The following TTN variants were observed in gnomAD, a reference collection of about 807,000 sequenced individuals.
TTN encodes the protein connectin.
A neutral mutation model predicts 3,223.0 loss-of-function variants in TTN; 1,525 were observed. The observed-to-expected ratio is 0.47, with a 90% CI of 0.45 to 0.49. The LOEUF (loss-of-function observed/expected upper bound fraction) is 0.49. Ranked by LOEUF, TTN falls within the 20% of genes least tolerant of loss-of-function variation. The probability of loss-of-function intolerance (pLI) is 0.00; values close to 1 mark genes in which losing one functional copy is unlikely to be tolerated. For synonymous variants in TTN, 14,094 were observed against 15,161.0 expected, an observed-to-expected ratio of 0.93 and a Z score of 5.17; for missense variants, 40,786 against 43,424.0, an observed-to-expected ratio of 0.94 and a Z score of 5.40.
intron 58 of TTN, 48 bp downstream of exon 58, chr2:178,731,642 AAAG>A: frequency 6.4e-7 from 1 of 1,570,696 alleles, no homozygotes; most frequent in East Asian, 2.3e-5. Context: ...GGCTTAAAAA[AAAG>A]AATTGACTCT....
intron 294 of TTN, among the ~76,000 whole-genome samples, chr2:178,596,708 C>T (rs927368531): frequency 6.6e-6 from 1 of 152,036 alleles, no homozygotes; most frequent in Non-Finnish European, 1.5e-5. Flanking sequence ...AATATTTTTC[C>T]TTATGCCATT....
At chr2:178,750,110 T>A (rs756247489) in intron 47 of TTN, 30 of 1,613,044 alleles carry the variant, frequency 1.9e-5, no homozygotes, top group Non-Finnish European at 2.5e-5. Context: ...GGAAAGCAAT[T>A]CTGTGTCTCC....
Position 178,782,823 on chromosome 2 carries a change from C to A in TTN, c.3083G>T (p.Cys1028Phe), listed in dbSNP as rs767205822. Residue 1028 changes from cysteine (C) to phenylalanine (F), a missense_variant, in exon 18 of 363, where the codon TGC becomes TTC. Coordinates refer to ENST00000589042, the MANE Select transcript of TTN (RefSeq NM_001267550.2). ...CCACTAACCCTGCACAGCCAGATAG[C>A]AGGATGTGCTGACGGTTCCAGCCTC... ...VNEAGTVSTS[C>F]YLAVQVSEEF... The A allele has an allele frequency of 6.2e-7, 1 of 1,612,992 alleles. No homozygotes were observed. Among genetic ancestry groups the A allele is most frequent in the Non-Finnish European group, 8.5e-7 (1 of 1,179,864 alleles).
Position 178,800,832 on chromosome 2 carries a change from A to G in TTN, c.296-150T>C, listed in dbSNP as rs1396557061. 4 of 796,466 alleles carry G rather than the reference A, an allele frequency of 5.0e-6. No individual in the cohort carries two copies. In the African/African-American group the frequency reaches 6.9e-5, roughly 14 times the overall value. 49.3% of individuals were successfully genotyped at this position (796,466 alleles called of 1,614,324 possible). ...GTCCTTGAACCCAGCTCACCCAGCA[A>G]TGACAGCAAGAATGGGAGCCAGGAG... is the stretch of plus-strand genomic sequence containing the variant. On this transcript the variant is annotated intron_variant, in intron 3 of 362. Coordinates refer to ENST00000589042, the MANE Select transcript of TTN (RefSeq NM_001267550.2).
At chr2:178,666,124 C>T (rs145097629) in intron 163 of TTN, among the ~76,000 whole-genome samples, 24 of 152,084 alleles carry the variant, frequency 1.6e-4, no homozygotes, top group African/African-American at 5.8e-4. Context: ...AAATCTAGGT[C>T]GGCATTTTTT....
intron 9 of TTN, among the ~76,000 whole-genome samples, chr2:178,792,769 A>G (rs937331713): frequency 6.6e-6 from 1 of 152,146 alleles, no homozygotes; most frequent in Non-Finnish European, 1.5e-5. Flanking sequence ...ATATCTCATC[A>G]CTGAAACACA....
rs1008595479 is a variant in TTN, at chr2:178,739,387, C to T, written c.13846G>A (p.Val4616Ile). Residue 4616 changes from valine (V) to isoleucine (I), a missense_variant, in exon 48 of 363, where the codon GTT (valine) becomes ATT (isoleucine). Val to Ile is a conservative substitution (Grantham distance 29). Coordinates refer to ENST00000589042, the MANE Select transcript of TTN (RefSeq NM_001267550.2). ...TGTACAATATCACCTTCCTCAGAAA[C>T]AGTGTCCACTAAAGGTGTATGTATC... ...PMIHTPLVDT[V>I]SEEGDIVHLT... The T allele has an allele frequency of 6.2e-7, 1 of 1,613,870 alleles. No individual in the cohort carries two copies. Among genetic ancestry groups the T allele is most frequent in the Admixed American group, 1.7e-5 (1 of 59,998 alleles).
At position 178,713,267 on chromosome 2, in the gene TTN, G is replaced by A. The variant is rs759580470; in HGVS notation, c.26867C>T (p.Ser8956Phe). The A allele has an allele frequency of 6.2e-7, 1 of 1,611,414 alleles. No homozygotes were observed. The highest frequency in any genetic ancestry group is 8.5e-7 in the Non-Finnish European group (1 of 1,178,564). The change falls in exon 93 of 363, where the codon TCT (serine) becomes TTT (phenylalanine). Residue 8956 changes from serine (S) to phenylalanine (F), a missense_variant. Physicochemically the swap from Ser to Phe is radical, Grantham distance 155. Coordinates refer to ENST00000589042, the MANE Select transcript of TTN (RefSeq NM_001267550.2). The part of the protein sequence containing the change: ...ECKVYGSPPI[S>F]VSWFHEGNEI... ...ATTTCCTTCATGGAACCAGGAGACA[G>A]AGATTGGAGGTGACCCATAGACTTT...
rs2067783241 is a variant in TTN, at chr2:178,675,181, C to G, written c.34538-68G>C. The G allele has an allele frequency of 2.0e-5, 21 of 1,033,324 alleles. No homozygotes were observed. The South Asian group carries it at 3.3e-4, about 16-fold the overall frequency. The allele number at this position is 1,033,324 out of a possible 1,614,324, so 64.0% of individuals were successfully genotyped here. A position where few individuals can be genotyped will look rare whatever the true frequency, so the allele number is the denominator to read the frequency against. Reference sequence around the variant, plus strand: ...CCAAAGAAGAATAAAGACCACGTTTCCAGTTTCCAACATAAGAGAGTAAAT... The same window carrying G: ...CCAAAGAAGAATAAAGACCACGTTTGCAGTTTCCAACATAAGAGAGTAAAT... On this transcript the variant is annotated intron_variant, in intron 149 of 362. Coordinates refer to ENST00000589042, the MANE Select transcript of TTN (RefSeq NM_001267550.2).
rs771034764 is a variant in TTN at position 178,598,568 on chromosome 2, C to T, written c.57049G>A (p.Gly19017Arg). ...LEWSPPLKDG[G>R]SKVTGYIVEY... ...ACGATGTATCCAGTTACTTTGGATC[C>T]ACCATCTTTTAGTGGGGGAGACCAC... is the stretch of plus-strand genomic sequence containing the variant. The change falls in exon 292 of 363, where the codon GGA (glycine) becomes AGA (arginine). Residue 19017 changes from glycine to arginine, a missense_variant. Coordinates refer to ENST00000589042, the MANE Select transcript of TTN (RefSeq NM_001267550.2). The T allele has an allele frequency of 1.8e-5, 29 of 1,607,886 alleles. No individual in the cohort carries two copies. Among genetic ancestry groups the T allele is most frequent in the Non-Finnish European group, 2.5e-5 (29 of 1,178,460 alleles).
Position 178,618,496 on chromosome 2 carries a change from A to G in TTN, c.46967-5T>C, listed in dbSNP as rs1296791525. ...TACGTACTGGCCCAGGAACATCTGAAATTCACATATAGAGGAATTTTTTTA... is the reference window on the plus strand; with the variant it reads ...TACGTACTGGCCCAGGAACATCTGAGATTCACATATAGAGGAATTTTTTTA... On this transcript the variant is annotated splice_polypyrimidine_tract_variant and splice_region_variant and intron_variant, in intron 251 of 362. Coordinates refer to ENST00000589042, the MANE Select transcript of TTN (RefSeq NM_001267550.2). 1 of 1,610,872 alleles carries G rather than the reference A, an allele frequency of 6.2e-7. No homozygotes were observed. The highest frequency in any genetic ancestry group is 2.2e-5 in the East Asian group (1 of 44,648).
chr2:178,617,190 A>C lies in TTN; in HGVS notation c.47805T>G (p.Ser15935=), dbSNP rs918631230. Reference sequence around the variant, plus strand: ...CTGAAACACCAGCTTTATTTTCTGCAGATACTCTATATAAATATTTATTTC... The same window carrying C: ...CTGAAACACCAGCTTTATTTTCTGCCGATACTCTATATAAATATTTATTTC... ...EKGNKYLYRV[S]AENKAGVSDP... is the part of the protein sequence containing the mutation. Residue 15935 remains serine (S), a synonymous_variant, in exon 255 of 363, where the codon TCT becomes TCG. Transcript: ENST00000589042. 6 of 1,587,524 alleles carry C rather than the reference A, an allele frequency of 3.8e-6. No individual in the cohort carries two copies. Among genetic ancestry groups the C allele is most frequent in the Non-Finnish European group, 4.3e-6 (5 of 1,166,032 alleles).
intron 78 of TTN, 98 bp from the exon 79 acceptor site, chr2:178,721,300 C>T: frequency 9.1e-7 from 1 of 1,097,738 alleles, no homozygotes; most frequent in Non-Finnish European, 1.2e-6. Flanking sequence ...TATATTTAAA[C>T]TGGTTTGTTA....
rs368071705 is a variant in TTN at position 178,756,248 on chromosome 2, G to A, written c.11228C>T (p.Thr3743Met). 2.0e-5 allele frequency: 32 copies of A among 1,612,008 alleles called. No individual in the cohort carries two copies. Among genetic ancestry groups the A allele is most frequent in the South Asian group, 1.8e-4 (16 of 91,002 alleles). The change falls in exon 46 of 363, where the codon ACG (threonine) becomes ATG (methionine). Residue 3743 changes from threonine (T) to methionine (M), a missense_variant. Thr to Met is a moderately conservative substitution (Grantham distance 81). Transcript: ENST00000589042. ...IVHNDCGERT[T>M]SAVLSVEGAP... ...ACCTTCTACACTTAGTACTGCTGACGTTGTCCTCTCTCCACAGTCATTGTG... is the reference window on the plus strand; with the variant it reads ...ACCTTCTACACTTAGTACTGCTGACATTGTCCTCTCTCCACAGTCATTGTG...
intron 238 of TTN, 116 bp downstream of exon 238, chr2:178,630,688 C>G: frequency 6.9e-7 from 1 of 1,440,776 alleles, no homozygotes; most frequent in Non-Finnish European, 9.4e-7. Flanking sequence ...GGCTTAGGGT[C>G]TGATAGAGAA....
rs1329726455 is a variant in TTN at position 178,770,483 on chromosome 2, G to A, written c.8309C>T (p.Ala2770Val). 2 of 1,614,126 alleles carry A rather than the reference G, an allele frequency of 1.2e-6. No homozygotes were observed. Among genetic ancestry groups the A allele is most frequent in the Non-Finnish European group, 1.7e-6 (2 of 1,180,016 alleles). Residue 2770 changes from alanine to valine, a missense_variant, in exon 35 of 363, where the codon GCC (alanine) becomes GTC (valine). Physicochemically the swap from Ala to Val is moderately conservative, Grantham distance 64. Coordinates refer to ENST00000589042, the MANE Select transcript of TTN (RefSeq NM_001267550.2). ...GCCATAAACAGACTCATCCACGATG[G>A]CACAGTTTTTAATCCTCAGAGAGTA... is the stretch of plus-strand genomic sequence containing the variant. ...TIYSLRIKNC[A>V]IVDESVYGFR... is the part of the protein sequence containing the mutation.
rs2047762977 is a variant in TTN at position 178,581,615 on chromosome 2, T to A, written c.66653A>T (p.Glu22218Val). 1 of 1,612,676 alleles carries A rather than the reference T, an allele frequency of 6.2e-7. No individual in the cohort carries two copies. ...LPQNLQKTRF[E>V]VTGLMEDTQY... The stretch of plus-strand genomic sequence containing the variant: ...TGTGTCTTCCATCAGGCCAGTAACC[T>A]CAAAGCGGGTTTTCTGTAGATTCTG... The change falls in exon 316 of 363, where the codon GAG becomes GTG. Residue 22218 changes from glutamate to valine, a missense_variant. Physicochemically the swap from Glu to Val is moderately radical, Grantham distance 121. Transcript: ENST00000589042.
chr2:178,614,608 G>T lies in TTN; in HGVS notation c.48906C>A (p.Asp16302Glu), dbSNP rs2056963801. 1 of 1,612,260 alleles carries T rather than the reference G, an allele frequency of 6.2e-7. No individual in the cohort carries two copies. Among genetic ancestry groups the T allele is most frequent in the East Asian group, 2.2e-5 (1 of 44,586 alleles). The change falls in exon 261 of 363, where the codon GAC becomes GAA. Residue 16302 changes from aspartate (D) to glutamate (E), a missense_variant. Asp to Glu is a conservative substitution (Grantham distance 45, BLOSUM62 2). Transcript: ENST00000589042. ...GGACATTTTCAATGGTAATTCTTTT[G>T]TCCTGCTTCAGAATCATATCAGCCT... ...WTKADMILKQ[D>E]KRITIENVPK...
rs750947988 is a variant in TTN, at chr2:178,597,574, C to G, written c.57508G>C (p.Gly19170Arg). 5 of 1,612,418 alleles carry G rather than the reference C, an allele frequency of 3.1e-6. No homozygotes were observed. The highest frequency in any genetic ancestry group is 3.4e-6 in the Non-Finnish European group (4 of 1,179,402). ...ACAATAATTGTCTTCTTTCTTTCTC[C>G]GGCTTCATTTTTGGCAAGAAGAGAA... Reference protein sequence around the residue: ...VYSLLAKNEAGERKKTIIVDV... With the variant: ...VYSLLAKNEARERKKTIIVDV... Residue 19170 changes from glycine (G) to arginine (R), a missense_variant, in exon 294 of 363, where the codon GGA becomes CGA. Coordinates refer to ENST00000589042, the MANE Select transcript of TTN (RefSeq NM_001267550.2).
Sources: allele counts gnomAD v4.1 joint callset (sites outside exome capture counted in the v4.1 genomes callset), GRCh38; gene constraint gnomAD v4.1.1; transcripts MANE v1.5; gene names NCBI Gene and HGNC (gene_info 2026-07-23, HGNC 2026-07-21).